CDC14A: variants seen among roughly 807,000 people sequenced by gnomAD.
CDC14A encodes cell division cycle 14A.
A neutral mutation model predicts 74.4 loss-of-function variants in CDC14A; 53 were observed. That is an observed-to-expected ratio of 0.71 (90% CI 0.57 to 0.89). The LOEUF (loss-of-function observed/expected upper bound fraction) is 0.89. Ranked by LOEUF, CDC14A falls within the 40% of genes least tolerant of loss-of-function variation. The probability of loss-of-function intolerance (pLI) is 0.00; values close to 1 mark genes in which losing one functional copy is unlikely to be tolerated. For synonymous variants in CDC14A, 247 were observed against 258.4 expected, an observed-to-expected ratio of 0.96 and a Z score of 0.43; for missense variants, 646 against 713.7, an observed-to-expected ratio of 0.91 and a Z score of 1.08.
intron 4 of CDC14A, chr1:100,423,876 G>A (rs894541521): frequency 4.7e-5 from 9 of 192,044 alleles, no homozygotes; most frequent in Admixed American, 2.1e-4. Flanking sequence ...TCAGGTCTTC[G>A]ATGAAGGTCA....
Position 100,352,633 on chromosome 1 carries a change from G to A in CDC14A, c.-322G>A. On this transcript the variant is annotated 5_prime_UTR_variant, in exon 1 of 16. Transcript: ENST00000336454. ...GGAAGCCGGGGGAAGACTTTGCCCT[G>A]CCCTGAGAGCTGGTCTGCGTTTCCC... is the stretch of plus-strand genomic sequence containing the variant. 8.2e-7 allele frequency: 1 copy of A among 1,220,800 alleles called. No homozygotes were observed. Among genetic ancestry groups the A allele is most frequent in the South Asian group, 1.9e-5 (1 of 51,718 alleles). The allele number at this position is 1,220,800 out of a possible 1,614,324, so 75.6% of individuals were successfully genotyped here. A position where few individuals can be genotyped will look rare whatever the true frequency, so the allele number is the denominator to read the frequency against.
chr1:100,370,121 C>T (rs1247693991), intron 2 of CDC14A, among the ~76,000 whole-genome samples: 1 of 152,006 alleles, frequency 6.6e-6, no homozygotes, highest in East Asian at 1.9e-4. Flanking sequence ...GTACCTGGGA[C>T]TACAGGCATG....
chr1:100,424,268 T>G lies in CDC14A; in HGVS notation c.356T>G (p.Leu119Arg). Residue 119 changes from leucine (L) to arginine (R), a missense_variant, in exon 5 of 16, where the codon CTG (leucine) becomes CGG (arginine). Coordinates refer to ENST00000336454, the MANE Select transcript of CDC14A (RefSeq NM_003672.4). Reference protein sequence around the residue: ...KTPEEAYRALLSGSNPPYLPF... With the variant: ...KTPEEAYRALRSGSNPPYLPF... ...CCAGAAGAAGCCTACAGAGCACTCC[T>G]GTCTGGCTCAAACCCCCCCTATCTT... The G allele has an allele frequency of 6.2e-7, 1 of 1,613,606 alleles. No homozygotes were observed. Among genetic ancestry groups the G allele is most frequent in the Non-Finnish European group, 8.5e-7 (1 of 1,179,558 alleles).
intron 5 of CDC14A, among the ~76,000 whole-genome samples, chr1:100,435,495 A>G (rs1664211818): frequency 6.6e-6 from 1 of 152,190 alleles, no homozygotes. Flanking sequence ...GTTGTACAAC[A>G]TTATGAATAC....
upstream of CDC14A, among the ~76,000 whole-genome samples, chr1:100,349,325 T>C (rs1026620085): frequency 1.4e-4 from 22 of 152,368 alleles, 1 homozygote; most frequent in African/African-American, 2.6e-4. Flanking sequence ...ATTTCCTTTA[T>C]ATGTGAAACG....
chr1:100,364,664 C>A (rs1340867745), intron 2 of CDC14A, among the ~76,000 whole-genome samples: 1 of 152,202 alleles, frequency 6.6e-6, no homozygotes. Context: ...GTATAGCTCT[C>A]CTGCCTTCAG....
chr1:100,354,211 GGGTA>G, intron 2 of CDC14A, among the ~76,000 whole-genome samples: 8 of 152,166 alleles, frequency 5.3e-5, no homozygotes, highest in African/African-American at 1.4e-4. Context: ...AGTGGCCATA[GGGTA>G]CAGGGCAGTG....
At chr1:100,360,054 T>A (rs1048210250) in intron 2 of CDC14A, among the ~76,000 whole-genome samples, 29 of 150,384 alleles carry the variant, frequency 1.9e-4, no homozygotes. Context: ...CCGATTCTCG[T>A]GCCTCAGCCT....
upstream of CDC14A, among the ~76,000 whole-genome samples, chr1:100,351,400 T>C (rs997568403): frequency 2.0e-5 from 3 of 152,198 alleles, no homozygotes; most frequent in African/African-American, 7.2e-5. Flanking sequence ...ATAGTCGGTC[T>C]GTAGCGCCAT....
In CDC14A at chr1:100,484,366, G is replaced by A. The variant is rs531836891; in HGVS notation, c.1052G>A (p.Ser351Asn). ...AAAAATCGACCATCCAGTGAAGGAA[G>A]TATTAATAAAATTCTTTCTGGCCTA... ...KLKNRPSSEG[S>N]INKILSGLDD... is the part of the protein sequence containing the mutation. The change falls in exon 11 of 16, where the codon AGT becomes AAT. Residue 351 changes from serine to asparagine, a missense_variant. Coordinates refer to ENST00000336454, the MANE Select transcript of CDC14A (RefSeq NM_003672.4). 3.7e-6 allele frequency: 6 copies of A among 1,606,732 alleles called. No homozygotes were observed. The highest frequency in any genetic ancestry group is 2.5e-6 in the Non-Finnish European group (3 of 1,176,572).
At chr1:100,419,820 A>G (rs1323215036) in intron 4 of CDC14A, among the ~76,000 whole-genome samples, 3 of 151,962 alleles carry the variant, frequency 2.0e-5, no homozygotes, top group South Asian at 2.1e-4. Flanking sequence ...GGCAGCACCT[A>G]CCTGGGAAAG....
intron 11 of CDC14A, among the ~76,000 whole-genome samples, chr1:100,492,443 A>G (rs1670802345): frequency 6.6e-6 from 1 of 152,144 alleles, no homozygotes; most frequent in Admixed American, 6.5e-5. Flanking sequence ...CTGTTTTTTA[A>G]TTGATCAATT....
intron 4 of CDC14A, among the ~76,000 whole-genome samples, chr1:100,392,830 T>C (rs1657904150): frequency 2.6e-5 from 4 of 152,224 alleles, no homozygotes; most frequent in Admixed American, 2.6e-4. Flanking sequence ...TTCTTTTTTA[T>C]GGCTATAAAA....
intron 4 of CDC14A, among the ~76,000 whole-genome samples, chr1:100,395,007 C>G (rs1658273872): frequency 6.6e-6 from 1 of 152,132 alleles, no homozygotes; most frequent in African/African-American, 2.4e-5. Flanking sequence ...TTCGGAGCAG[C>G]CATGTAACTT....
chr1:100,431,231 T>A (rs1663632997), intron 5 of CDC14A, among the ~76,000 whole-genome samples: 1 of 152,140 alleles, frequency 6.6e-6, no homozygotes, highest in Non-Finnish European at 1.5e-5. Context: ...TATATTATTC[T>A]ATTTTTTGTC....
At chr1:100,424,158 T>C (rs1037121461) in intron 4 of CDC14A, 64 bp from the exon 5 acceptor site, 31 of 1,211,968 alleles carry the variant, frequency 2.6e-5, no homozygotes, top group African/African-American at 4.5e-5. Flanking sequence ...AAATGCAAAT[T>C]TGGTGAGTAA....
intron 4 of CDC14A, among the ~76,000 whole-genome samples, chr1:100,412,044 A>G (rs992283156): frequency 6.6e-6 from 1 of 152,232 alleles, no homozygotes; most frequent in Non-Finnish European, 1.5e-5. Context: ...TAAAAAGGCT[A>G]TAATGCAGGC....
chr1:100,451,357 G>A (rs528745268), intron 7 of CDC14A, among the ~76,000 whole-genome samples: 24 of 152,308 alleles, frequency 1.6e-4, no homozygotes, highest in South Asian at 1.0e-3. Context: ...CAGAGGTGAA[G>A]CAGTCATCCA....
At chr1:100,457,132 C>T (rs530528773) in intron 8 of CDC14A, among the ~76,000 whole-genome samples, 7 of 152,224 alleles carry the variant, frequency 4.6e-5, no homozygotes, top group African/African-American at 1.2e-4. Context: ...TTGGCAAAGT[C>T]GAAAGACTTT....
Sources: gnomAD v4.1 joint callset for allele counts (sites outside exome capture counted in the v4.1 genomes callset) on GRCh38, gnomAD v4.1.1 for gene constraint, MANE v1.5 for transcripts, NCBI Gene and HGNC (gene_info 2026-07-23, HGNC 2026-07-21) for gene names.